Variants in NBAS observed in about 807,000 individuals in gnomAD.
NBAS encodes NAG/BC035112 fusion.
A neutral mutation model predicts 302.5 loss-of-function variants in NBAS; 219 were observed. The ratio of observed to expected loss-of-function variants is 0.72; its 90% CI spans 0.65 to 0.81. The LOEUF (loss-of-function observed/expected upper bound fraction) is 0.81, where lower values mean the gene tolerates loss of function less well. NBAS is among the 30% of genes least tolerant of loss of function. The pLI is 0.00. For missense variants in NBAS, 2,932 were observed against 2,841.6 expected (o/e 1.03, Z -0.72); for synonymous variants, 1,118 against 1,021.6 (o/e 1.09, Z -1.80).
chr2:14,835,124 A>G, the NBAS span, among the ~76,000 whole-genome samples: 1 of 152,066 alleles, frequency 6.6e-6, no homozygotes, highest in East Asian at 1.9e-4. Context: ...CAATGATGGT[A>G]GCACTCACCT....
intron 28 of NBAS, chr2:15,393,492 G>C (rs1675707396): frequency 2.9e-6 from 1 of 346,864 alleles, no homozygotes; most frequent in Non-Finnish European, 5.8e-6. Flanking sequence ...TCTCCTACAA[G>C]AGTGGTAGGA....
chr2:15,165,409 T>C (rs1572381403), downstream of NBAS, among the ~76,000 whole-genome samples: 2 of 152,278 alleles, frequency 1.3e-5, no homozygotes, highest in South Asian at 4.1e-4. Context: ...AAATTCTAGG[T>C]GCTACTGAAT....
intron 21 of NBAS, among the ~76,000 whole-genome samples, chr2:15,450,477 A>G (rs1403182928): frequency 6.6e-6 from 1 of 152,066 alleles, no homozygotes; most frequent in Non-Finnish European, 1.5e-5. Flanking sequence ...CATCTCTCCC[A>G]TCTCTAAGCC....
At chr2:15,007,803 G>C in the NBAS span, among the ~76,000 whole-genome samples, 1 of 152,152 alleles carries the variant, frequency 6.6e-6, no homozygotes, top group Non-Finnish European at 1.5e-5. Flanking sequence ...AAAGAGCTTG[G>C]ATTTGGTCAT....
chr2:15,559,065 A>AAAAAAAT (rs1664787338), intron 1 of NBAS, among the ~76,000 whole-genome samples: 1 of 143,898 alleles, frequency 6.9e-6, no homozygotes, highest in Admixed American at 6.9e-5. Flanking sequence ...CCTGCCTCAA[A>AAAAAAAT]AAAAAAAAAA....
intron 51 of NBAS, among the ~76,000 whole-genome samples, chr2:15,170,656 T>C (rs1664253745): frequency 6.6e-6 from 1 of 152,144 alleles, no homozygotes; most frequent in Non-Finnish European, 1.5e-5. Context: ...TTGCAAGAAA[T>C]ACAGAATGGC....
At chr2:15,501,255 T>C (rs1481044096) in intron 11 of NBAS, among the ~76,000 whole-genome samples, 1 of 150,854 alleles carries the variant, frequency 6.6e-6, no homozygotes, top group African/African-American at 2.5e-5. Flanking sequence ...GAGCCCAGCC[T>C]GGGCAACAGA....
chr2:15,503,421 G>A (rs934083370), intron 11 of NBAS, among the ~76,000 whole-genome samples: 1 of 152,190 alleles, frequency 6.6e-6, no homozygotes, highest in African/African-American at 2.4e-5. Context: ...AGGTCCTACA[G>A]GGAAAGAAAC....
At chr2:14,847,188 C>A in the NBAS span, among the ~76,000 whole-genome samples, 1 of 151,796 alleles carries the variant, frequency 6.6e-6, no homozygotes, top group Admixed American at 6.6e-5. Flanking sequence ...TTGAGACCAT[C>A]CTGGCTAACA....
the NBAS span, among the ~76,000 whole-genome samples, chr2:15,090,793 C>A: frequency 6.6e-6 from 1 of 152,142 alleles, no homozygotes; most frequent in Non-Finnish European, 1.5e-5. Context: ...GAAAGCTCTG[C>A]AGCATTGATA....
At chr2:15,124,745 C>T in the NBAS span, among the ~76,000 whole-genome samples, 1 of 152,182 alleles carries the variant, frequency 6.6e-6, no homozygotes, top group South Asian at 2.1e-4. Flanking sequence ...CTGGAGGGTT[C>T]CAGTCATAAG....
At chr2:15,151,596 T>C in the NBAS span, among the ~76,000 whole-genome samples, 1 of 152,228 alleles carries the variant, frequency 6.6e-6, no homozygotes, top group Non-Finnish European at 1.5e-5. Flanking sequence ...AGTTAACACC[T>C]GTGTGTGATA....
the NBAS span, among the ~76,000 whole-genome samples, chr2:14,862,621 G>C: frequency 6.6e-6 from 1 of 152,098 alleles, no homozygotes; most frequent in Non-Finnish European, 1.5e-5. Context: ...TAAATTTCAA[G>C]GTTGCTTTAT....
intron 35 of NBAS, among the ~76,000 whole-genome samples, chr2:15,347,530 C>A (rs1180818959): frequency 6.6e-6 from 1 of 152,188 alleles, no homozygotes; most frequent in Non-Finnish European, 1.5e-5. Flanking sequence ...CTATACTTAG[C>A]CCATGCTCAA....
chr2:15,528,412 TTTATA>T (rs1231604595), intron 9 of NBAS, among the ~76,000 whole-genome samples: 4 of 147,916 alleles, frequency 2.7e-5, no homozygotes, highest in South Asian at 2.1e-4. Context: ...GTTTATATTA[TTTATA>T]TTATGTTTAT....
intron 26 of NBAS, 40 bp downstream of exon 26, chr2:15,402,128 T>TA (rs764235107): frequency 6.8e-6 from 11 of 1,611,800 alleles, no homozygotes; most frequent in South Asian, 1.1e-5. Context: ...ACTGTTAGAA[T>TA]AAAAAAACAC....
At chr2:15,394,733 A>G (rs1558300559) in intron 27 of NBAS, among the ~76,000 whole-genome samples, 1 of 152,126 alleles carries the variant, frequency 6.6e-6, no homozygotes, top group East Asian at 1.9e-4. Context: ...AGGCAAGACT[A>G]CTAGAAAAGC....
chr2:14,933,234 C>G, the NBAS span, among the ~76,000 whole-genome samples: 2 of 152,190 alleles, frequency 1.3e-5, no homozygotes, highest in African/African-American at 2.4e-5. Flanking sequence ...TTTTCATTCA[C>G]CTTTCTTTTC....
the NBAS span, among the ~76,000 whole-genome samples, chr2:14,982,700 G>A: frequency 6.6e-6 from 1 of 152,008 alleles, no homozygotes; most frequent in Non-Finnish European, 1.5e-5. Flanking sequence ...AGACAATCAT[G>A]AAAATGAAAA....
Sources: gnomAD v4.1 joint callset for allele counts (sites outside exome capture counted in the v4.1 genomes callset) on GRCh38, gnomAD v4.1.1 for gene constraint, MANE v1.5 for transcripts, NCBI Gene and HGNC (gene_info 2026-07-23, HGNC 2026-07-21) for gene names.